COL4A4: variants seen among roughly 807,000 people sequenced by gnomAD.
The protein encoded by COL4A4 is collagen type IV alpha 4 chain, also known as collagen alpha-4(IV) chain.
COL4A4 carries 105 observed loss-of-function variants against 192.9 expected under a neutral mutation model. The ratio of observed to expected loss-of-function variants is 0.54; its 90% CI spans 0.46 to 0.64. COL4A4 has a LOEUF of 0.64. COL4A4 is among the 30% of genes least tolerant of loss of function. The probability of loss-of-function intolerance (pLI) is 0.00; values close to 1 mark genes in which losing one functional copy is unlikely to be tolerated. For missense variants in COL4A4, 1,967 were observed against 2,169.3 expected (o/e 0.91, Z 1.85); for synonymous variants, 762 against 769.9 (o/e 0.99, Z 0.17).
intron 34 of COL4A4, among the ~76,000 whole-genome samples, 182 bp from the exon 35 acceptor site, chr2:227,047,731 C>CCACACACACA (rs71036155): frequency 0.1 from 15,230 of 146,184 alleles, 957 homozygotes; most frequent in African/African-American, 0.17. Context: ...AATTTACATA[C>CCACACACACA]CACACACACA....
chr2:227,090,481 G>T (rs1232324709), intron 20 of COL4A4, among the ~76,000 whole-genome samples: 1 of 152,120 alleles, frequency 6.6e-6, no homozygotes, highest in Admixed American at 6.5e-5. Context: ...TGGTGCGATG[G>T]CTCACACCTG....
intron 25 of COL4A4, among the ~76,000 whole-genome samples, chr2:227,066,343 T>G (rs1442318872): frequency 1.5e-4 from 22 of 151,538 alleles, no homozygotes; most frequent in Admixed American, 1.4e-3. Flanking sequence ...AGGCCAACAT[T>G]CAGATTCAGG....
At chr2:226,995,659 C>A in the COL4A4 span, 1 of 670,426 alleles carries the variant, frequency 1.5e-6, no homozygotes, top group Non-Finnish European at 2.7e-6. Flanking sequence ...CTCACATCAC[C>A]TGGGACAGTC....
At chr2:227,011,772 G>C (rs538607639) in intron 45 of COL4A4, among the ~76,000 whole-genome samples, 4 of 152,246 alleles carry the variant, frequency 2.6e-5, no homozygotes, top group African/African-American at 9.6e-5. Flanking sequence ...GAAACCAGGC[G>C]ATTTGGCCAC....
At chr2:226,988,481 G>A in the COL4A4 span, 18 of 1,543,496 alleles carry the variant, frequency 1.2e-5, no homozygotes, top group Non-Finnish European at 1.5e-5. Context: ...CCCTGTAGTG[G>A]AGTTGAGCAA....
chr2:227,045,949 ATGTATATATG>A (rs1305606952), intron 35 of COL4A4, among the ~76,000 whole-genome samples: 1 of 91,390 alleles, frequency 1.1e-5, no homozygotes, highest in African/African-American at 5.1e-5. Context: ...ATATGTATAT[ATGTATATATG>A]TATATATTTA....
At chr2:227,153,367 T>TTA (rs1417786481) in intron 1 of COL4A4, among the ~76,000 whole-genome samples, 2 of 152,208 alleles carry the variant, frequency 1.3e-5, no homozygotes, top group Admixed American at 6.5e-5. Context: ...GTGCTGTGCC[T>TTA]TTTAAAGGGC....
chr2:226,992,223 C>T, the COL4A4 span, among the ~76,000 whole-genome samples: 1 of 152,142 alleles, frequency 6.6e-6, no homozygotes, highest in African/African-American at 2.4e-5. Flanking sequence ...AGCCAGGAAG[C>T]CTTGTGCCGA....
intron 27 of COL4A4, 24 bp downstream of exon 27, chr2:227,060,112 A>AAC (rs1193843772): frequency 1.6e-6 from 2 of 1,237,496 alleles, no homozygotes; most frequent in African/African-American, 3.1e-5. Context: ...AAAAAAAAAA[A>AAC]AAAAAAAAAA....
At chr2:227,072,386 GC>G in intron 25 of COL4A4, among the ~76,000 whole-genome samples, 1 of 151,524 alleles carries the variant, frequency 6.6e-6, no homozygotes, top group East Asian at 1.9e-4. Context: ...CCAATAACAA[GC>G]AGTGAGATTG....
the COL4A4 span, among the ~76,000 whole-genome samples, chr2:226,992,927 T>C: frequency 6.6e-6 from 1 of 152,180 alleles, no homozygotes; most frequent in South Asian, 2.1e-4. Flanking sequence ...ATGATTCTAT[T>C]GGGAGTGAAA....
At chr2:227,095,836 A>G (rs991970068) in intron 19 of COL4A4, among the ~76,000 whole-genome samples, 1 of 152,220 alleles carries the variant, frequency 6.6e-6, no homozygotes, top group Non-Finnish European at 1.5e-5. Flanking sequence ...CGGAGGTTGC[A>G]GTGAGCCAAG....
At chr2:227,160,257 A>G (rs2064714022) in intron 1 of COL4A4, among the ~76,000 whole-genome samples, 1 of 152,218 alleles carries the variant, frequency 6.6e-6, no homozygotes, top group African/African-American at 2.4e-5. Flanking sequence ...CTTTTAAACA[A>G]ACAAGTGGCA....
At chr2:227,064,505 C>A (rs1251446093) in intron 25 of COL4A4, among the ~76,000 whole-genome samples, 1 of 152,180 alleles carries the variant, frequency 6.6e-6, no homozygotes, top group Non-Finnish European at 1.5e-5. Flanking sequence ...GGCTACAGAT[C>A]TAGATATCCA....
chr2:227,023,279 TA>T (rs797020507), intron 43 of COL4A4, among the ~76,000 whole-genome samples: 5,336 of 136,934 alleles, frequency 0.039, 252 homozygotes, highest in African/African-American at 0.12. Flanking sequence ...CATCTCTACT[TA>T]AAAAAAAAAA....
At chr2:227,125,754 T>G (rs900729973) in intron 4 of COL4A4, among the ~76,000 whole-genome samples, 1 of 152,110 alleles carries the variant, frequency 6.6e-6, no homozygotes, top group Non-Finnish European at 1.5e-5. Context: ...AGTGGAAAGA[T>G]TCCCCTGATC....
At chr2:226,974,020 A>G in the COL4A4 span, among the ~76,000 whole-genome samples, 3 of 152,012 alleles carry the variant, frequency 2.0e-5, no homozygotes, top group African/African-American at 7.2e-5. Context: ...CCGCCTTTCC[A>G]CATGCTTGCC....
At chr2:227,138,305 G>C (rs762879028) in intron 4 of COL4A4, among the ~76,000 whole-genome samples, 2 of 151,818 alleles carry the variant, frequency 1.3e-5, no homozygotes, top group East Asian at 3.9e-4. Flanking sequence ...GTGACAGAGT[G>C]AGACCCTGTC....
chr2:227,059,279 G>A, intron 28 of COL4A4, 126 bp downstream of exon 28: 3 of 858,738 alleles, frequency 3.5e-6, no homozygotes, highest in Non-Finnish European at 6.1e-6. Context: ...CCCAAATGAG[G>A]GAAAACACTT....
Sources: allele counts gnomAD v4.1 joint callset (sites outside exome capture counted in the v4.1 genomes callset), GRCh38; gene constraint gnomAD v4.1.1; transcripts MANE v1.5; gene names NCBI Gene and HGNC (gene_info 2026-07-23, HGNC 2026-07-21).